The following PRKN variants were observed in gnomAD, a reference collection of about 807,000 sequenced individuals.
PRKN encodes the protein parkin RBR E3 ubiquitin protein ligase, also known as E3 ubiquitin-protein ligase parkin.
In PRKN, 56 loss-of-function variants were observed where a neutral mutation model predicts 59.5. The ratio of observed to expected loss-of-function variants is 0.94; its 90% CI spans 0.76 to 1.18. PRKN has a LOEUF of 1.18. PRKN is among the 50% of genes most tolerant of loss of function. The pLI is 0.00. For missense variants in PRKN, 657 were observed against 596.4 expected (o/e 1.10, Z -1.06); for synonymous variants, 250 against 222.1 (o/e 1.13, Z -1.12).
At position 162,598,011 on chromosome 6, in the gene PRKN, G is replaced by A. The variant is rs148375663; in HGVS notation, c.7+129651C>T. 2.0e-3 allele frequency among the ~76,000 whole-genome samples: 302 copies of A among 152,054 alleles called. 4 individuals carry two copies. The highest frequency in any genetic ancestry group is 0.015 in the East Asian group (80 of 5,172). ...AGTTTTTATCTGAATTAAAATTAAC[G>A]AGCCTTTATCTGAGTTAAAATAGAA... On this transcript the variant is annotated intron_variant, in intron 1 of 11. Transcript: ENST00000366898.
chr6:161,395,032 T>C lies in PRKN; in HGVS notation c.1084-8155A>G, dbSNP rs1248730076. ...TTTTAAAAAGTAGGTATTCTTTGAA[T>C]GCAAAATATGTGCAGGTAGCACAGA... On this transcript the variant is annotated intron_variant, in intron 9 of 11. Coordinates refer to ENST00000366898, the MANE Select transcript of PRKN (RefSeq NM_004562.3). This position sits in a 1 kb window ranked among gnomAD's most constrained non-coding sequence, Gnocchi z 5.0. Among the ~76,000 whole-genome samples the C allele has an allele frequency of 2.6e-5, 4 of 152,188 alleles. No homozygotes were observed. The highest frequency in any genetic ancestry group is 4.1e-4 in the South Asian group (2 of 4,830).
chr6:161,788,195 A>T (rs369513144), intron 6 of PRKN, among the ~76,000 whole-genome samples: 12 of 152,208 alleles, frequency 7.9e-5, no homozygotes, highest in African/African-American at 2.9e-4. Flanking sequence ...AATGACTCAT[A>T]CCATCTAGAC....
chr6:162,653,271 ATAT>A lies in PRKN; in HGVS notation c.7+74388_7+74390del, dbSNP rs370843140. Among the ~76,000 whole-genome samples, 58 of 152,304 alleles carry A rather than the reference ATAT, an allele frequency of 3.8e-4. 1 individual carries two copies. The East Asian group carries it at 0.01, about 27-fold the overall frequency. On this transcript the variant is annotated intron_variant, in intron 1 of 11. Transcript: ENST00000366898. Reference sequence around the variant, plus strand: ...TTCTTGAAAGCATTTGCTAAAGCAAATATGTCAAGACATGAAGACTGATTAATT... The same window carrying A: ...TTCTTGAAAGCATTTGCTAAAGCAAAGTCAAGACATGAAGACTGATTAATT...
intron 6 of PRKN, among the ~76,000 whole-genome samples, chr6:161,951,934 AAGG>A (rs1324492351): frequency 6.6e-6 from 1 of 151,696 alleles, no homozygotes; most frequent in Non-Finnish European, 1.5e-5. Flanking sequence ...AAAAAAAAGA[AAGG>A]AAGAAGGAAA....
intron 1 of PRKN, among the ~76,000 whole-genome samples, chr6:162,471,751 T>C (rs1388409703): frequency 2.0e-5 from 3 of 152,234 alleles, no homozygotes; most frequent in African/African-American, 7.2e-5. Flanking sequence ...AATCTATGCA[T>C]ATGTACTAAT....
chr6:161,874,698 A>G (rs1794603747), intron 6 of PRKN, among the ~76,000 whole-genome samples: 1 of 124,538 alleles, frequency 8.0e-6, no homozygotes, highest in Admixed American at 9.1e-5. Context: ...TATATATAAA[A>G]TATATAATAT....
chr6:162,302,676 T>C (rs1782012276), intron 2 of PRKN, among the ~76,000 whole-genome samples: 1 of 152,044 alleles, frequency 6.6e-6, no homozygotes, highest in Non-Finnish European at 1.5e-5. Context: ...ATTTCAATCT[T>C]GTGGCACTCC....
intron 2 of PRKN, among the ~76,000 whole-genome samples, chr6:162,430,173 C>CGAT (rs147505180): frequency 0.2 from 30,865 of 150,768 alleles, 3,508 homozygotes; most frequent in East Asian, 0.41. Context: ...ACGACGACGA[C>CGAT]GATGATGATG....
intron 1 of PRKN, among the ~76,000 whole-genome samples, chr6:162,567,424 C>T (rs1269372518): frequency 6.6e-6 from 1 of 152,150 alleles, no homozygotes; most frequent in Non-Finnish European, 1.5e-5. Flanking sequence ...AGTAGAGTTG[C>T]AGGACACAAA....
chr6:162,191,142 C>T (rs575629210), intron 4 of PRKN, among the ~76,000 whole-genome samples: 147 of 152,252 alleles, frequency 9.7e-4, no homozygotes, highest in Admixed American at 1.6e-3. Flanking sequence ...TGGGCTAAAA[C>T]GGTGATGCAT....
chr6:161,612,618 G>C (rs1364076005), intron 7 of PRKN, among the ~76,000 whole-genome samples: 1 of 151,692 alleles, frequency 6.6e-6, no homozygotes, highest in African/African-American at 2.4e-5. Flanking sequence ...CTACTCAGGA[G>C]GCCGAGGCAG....
At chr6:162,155,629 C>A (rs11965690) in intron 4 of PRKN, among the ~76,000 whole-genome samples, 1 of 151,920 alleles carries the variant, frequency 6.6e-6, no homozygotes, top group Non-Finnish European at 1.5e-5. Flanking sequence ...GTCCATCAAG[C>A]GGAAAAGAAC....
At position 161,446,379 on chromosome 6, in the gene PRKN, A is replaced by C. The variant is rs973816918; in HGVS notation, c.1084-59502T>G. On this transcript the variant is annotated intron_variant, in intron 9 of 11. Coordinates refer to ENST00000366898, the MANE Select transcript of PRKN (RefSeq NM_004562.3). The surrounding 1 kb of genome is among the most constrained non-coding windows in gnomAD (Gnocchi z 6.2). Reference sequence around the variant, plus strand: ...CTTAGAGGAACTGGGAGATGCCAGCAGACACTGAGACCCAAAGGGGCCTGG... The same window carrying C: ...CTTAGAGGAACTGGGAGATGCCAGCCGACACTGAGACCCAAAGGGGCCTGG... 2.0e-5 allele frequency among the ~76,000 whole-genome samples: 3 copies of C among 152,090 alleles called. No individual in the cohort carries two copies. The highest frequency in any genetic ancestry group is 2.0e-4 in the Admixed American group (3 of 15,278).
chr6:161,582,894 T>C lies in PRKN; in HGVS notation c.872-13478A>G, dbSNP rs994571649. ...AGCTGATCCCAGCATAGGCCTGACATAGGAAAAAGACTATGGGAGCCCTTG... is the reference window on the plus strand; with the variant it reads ...AGCTGATCCCAGCATAGGCCTGACACAGGAAAAAGACTATGGGAGCCCTTG... On this transcript the variant is annotated intron_variant, in intron 7 of 11. Transcript: ENST00000366898. This position sits in a 1 kb window ranked among gnomAD's most constrained non-coding sequence, Gnocchi z 4.4. Among the ~76,000 whole-genome samples, 7 of 150,910 alleles carry C rather than the reference T, an allele frequency of 4.6e-5. No homozygotes were observed. The highest frequency in any genetic ancestry group is 6.6e-5 in the Admixed American group (1 of 15,048).
rs1297475698 is a variant in PRKN at position 161,388,213 on chromosome 6, CCA to C, written c.1084-1338_1084-1337del. 8.5e-4 allele frequency among the ~76,000 whole-genome samples: 130 copies of C among 152,176 alleles called. No individual in the cohort carries two copies. The highest frequency in any genetic ancestry group is 1.6e-3 in the Non-Finnish European group (109 of 68,024). On this transcript the variant is annotated intron_variant, in intron 9 of 11. Coordinates refer to ENST00000366898, the MANE Select transcript of PRKN (RefSeq NM_004562.3). The surrounding 1 kb of genome is among the most constrained non-coding windows in gnomAD (Gnocchi z 4.3). ...CACCTTGGTTTCTGTGCCTTGGTTT[CCA>C]CCTTGGAAATGCTAGGATAACAGCG...
At chr6:162,498,522 T>C (rs1793205473) in intron 1 of PRKN, among the ~76,000 whole-genome samples, 2 of 143,772 alleles carry the variant, frequency 1.4e-5, no homozygotes, top group Admixed American at 1.5e-4. Flanking sequence ...CTCGGTTGAC[T>C]GCAACCTCTG....
Position 161,402,248 on chromosome 6 carries a change from C to T in PRKN, c.1084-15371G>A, listed in dbSNP as rs1176869578. 6.6e-6 allele frequency among the ~76,000 whole-genome samples: 1 copy of T among 152,176 alleles called. No homozygotes were observed. Among genetic ancestry groups the T allele is most frequent in the Non-Finnish European group, 1.5e-5 (1 of 68,038 alleles). On this transcript the variant is annotated intron_variant, in intron 9 of 11. Coordinates refer to ENST00000366898, the MANE Select transcript of PRKN (RefSeq NM_004562.3). This position sits in a 1 kb window ranked among gnomAD's most constrained non-coding sequence, Gnocchi z 4.5. Reference sequence around the variant, plus strand: ...AAATGCTATCTCCCAGCAACATGCACACCTTGCAGTGTCTTATGAAATTAT... The same window carrying T: ...AAATGCTATCTCCCAGCAACATGCATACCTTGCAGTGTCTTATGAAATTAT...
chr6:162,102,860 G>A (rs904055348), intron 4 of PRKN, among the ~76,000 whole-genome samples: 3 of 149,064 alleles, frequency 2.0e-5, no homozygotes, highest in Admixed American at 6.6e-5. Flanking sequence ...TGGCTAACAC[G>A]GTGAAACCCC....
intron 6 of PRKN, among the ~76,000 whole-genome samples, chr6:161,859,610 C>CAAAAA (rs57747027): frequency 0.23 from 20,191 of 89,302 alleles, 2,356 homozygotes; most frequent in Middle Eastern, 0.31. Flanking sequence ...GACTCTCTCT[C>CAAAAA]AAAAAAAAAA....
Sources: allele counts gnomAD v4.1 joint callset (sites outside exome capture counted in the v4.1 genomes callset), GRCh38; gene constraint gnomAD v4.1.1; non-coding constraint Gnocchi (gnomAD v3.1); transcripts MANE v1.5; gene names NCBI Gene and HGNC (gene_info 2026-07-23, HGNC 2026-07-21).